The following FMN2 variants were observed in gnomAD, a reference collection of about 807,000 sequenced individuals.
FMN2 encodes the protein formin 2, also known as formin-2.
Under a neutral mutation model 142.3 loss-of-function variants are expected in FMN2, and 51 were observed. The ratio of observed to expected loss-of-function variants is 0.36; its 90% CI spans 0.29 to 0.45. The LOEUF (loss-of-function observed/expected upper bound fraction) is 0.45. FMN2 is among the 20% of genes least tolerant of loss of function. The pLI, the probability that FMN2 is intolerant of heterozygous loss-of-function variation, is 1.00. For missense variants in FMN2, 1,936 were observed against 2,122.8 expected (o/e 0.91, Z 1.73); for synonymous variants, 882 against 869.8 (o/e 1.01, Z -0.25).
intron 15 of FMN2, chr1:240,401,116 C>T (rs1673971208): frequency 9.5e-6 from 1 of 105,554 alleles, no homozygotes; most frequent in East Asian, 3.2e-4. Context: ...CAGAGTGACA[C>T]CCCATCTAAA....
rs982353672 is a variant in FMN2, at chr1:240,333,915, T to C, written c.4613T>C (p.Ile1538Thr). ...SDNSRSLLSY[I>T]VSYYLRNFDE... is the part of the protein sequence containing the mutation. Reference sequence around the variant, plus strand: ...AATAGCAGAAGCCTTTTGTCATATATTGTTTCGTATTATCTCCGAAATTTT... The same window carrying C: ...AATAGCAGAAGCCTTTTGTCATATACTGTTTCGTATTATCTCCGAAATTTT... Residue 1538 changes from isoleucine (I) to threonine (T), a missense_variant, in exon 12 of 18, where the codon ATT becomes ACT. By Grantham distance (89) the Ile-to-Thr change is moderately conservative (BLOSUM62 -1). Coordinates refer to ENST00000319653, the MANE Select transcript of FMN2 (RefSeq NM_020066.5). 1 of 1,610,670 alleles carries C rather than the reference T, an allele frequency of 6.2e-7. No individual in the cohort carries two copies. The highest frequency in any genetic ancestry group is 8.5e-7 in the Non-Finnish European group (1 of 1,178,640).
chr1:240,241,799 C>A (rs1274837550), intron 6 of FMN2, among the ~76,000 whole-genome samples: 1 of 119,948 alleles, frequency 8.3e-6, no homozygotes, highest in African/African-American at 3.1e-5. Context: ...AGGTAGGTAT[C>A]ATTTTCTTTA....
intron 2 of FMN2, among the ~76,000 whole-genome samples, chr1:240,155,959 A>C (rs1328359342): frequency 6.6e-6 from 1 of 151,064 alleles, no homozygotes; most frequent in Non-Finnish European, 1.5e-5. Flanking sequence ...CCGTAAAGGG[A>C]CAGACGTGGT....
intron 3 of FMN2, among the ~76,000 whole-genome samples, chr1:240,185,114 ACCTTCCCCCTTCTCTTTCTCCCTCCT>A (rs1665367908): frequency 1.0e-5 from 1 of 100,338 alleles, no homozygotes; most frequent in African/African-American, 4.4e-5. Context: ...TCCCTCCTAT[ACCTTCCCCCTTCTCTTTCTCCCTCCT>A]ATACCTTCCC....
intron 1 of FMN2, among the ~76,000 whole-genome samples, chr1:240,097,364 T>G (rs1447789464): frequency 1.3e-5 from 2 of 151,324 alleles, no homozygotes; most frequent in African/African-American, 4.8e-5. Flanking sequence ...TGCCTTTTTT[T>G]TTTTTTTTTG....
intron 7 of FMN2, chr1:240,285,342 CAGA>C: frequency 2.2e-6 from 1 of 454,166 alleles, no homozygotes. Flanking sequence ...TCATGTAAGA[CAGA>C]AGAACATGTA....
At chr1:240,115,909 T>A (rs530262140) in intron 1 of FMN2, among the ~76,000 whole-genome samples, 1 of 152,138 alleles carries the variant, frequency 6.6e-6, no homozygotes, top group South Asian at 2.1e-4. Context: ...GGATTACTCG[T>A]GAGTTTTTTT....
chr1:240,416,262 CTTTT>C (rs11417639), intron 15 of FMN2, among the ~76,000 whole-genome samples: 1 of 135,142 alleles, frequency 7.4e-6, no homozygotes. Context: ...CCTTTCCACT[CTTTT>C]TTTTTTTTTT....
chr1:240,138,001 G>A (rs1404899137), intron 2 of FMN2, among the ~76,000 whole-genome samples: 1 of 148,746 alleles, frequency 6.7e-6, no homozygotes, highest in East Asian at 2.0e-4. Flanking sequence ...GGAGGCAGAG[G>A]TTGCAGTGAG....
At chr1:240,284,711 C>T (rs1256666634) in intron 7 of FMN2, among the ~76,000 whole-genome samples, 1 of 152,134 alleles carries the variant, frequency 6.6e-6, no homozygotes, top group Admixed American at 6.6e-5. Context: ...TGTCTTCTAG[C>T]TTCAGAGTCC....
Position 240,207,612 on chromosome 1 carries a change from CTGCCCCCTCT to C in FMN2, c.2801_2810del (p.Leu934HisfsTer338), listed in dbSNP as rs1666433862. On this transcript the variant is annotated frameshift_variant, in exon 5 of 18. Transcript: ENST00000319653. LOFTEE classifies it high-confidence loss of function. ...TCTACCCGGAGCAGGCATACTCCCTCTGCCCCCTCTACCCGGAGCGGGAATACCTCCTCCG... is the reference window on the plus strand; with the variant it reads ...TCTACCCGGAGCAGGCATACTCCCTCACCCGGAGCGGGAATACCTCCTCCG... The C allele has an allele frequency of 6.3e-7, 1 of 1,579,838 alleles. No homozygotes were observed. The highest frequency in any genetic ancestry group is 1.4e-5 in the African/African-American group (1 of 71,816).
intron 1 of FMN2, among the ~76,000 whole-genome samples, chr1:240,097,572 G>T (rs1661250661): frequency 6.6e-6 from 1 of 152,060 alleles, no homozygotes; most frequent in Admixed American, 6.6e-5. Flanking sequence ...AGCCAGGATG[G>T]TCTTGATCTC....
chr1:240,421,737 G>C (rs1318117562), intron 15 of FMN2, among the ~76,000 whole-genome samples: 1 of 152,028 alleles, frequency 6.6e-6, no homozygotes. Context: ...TAAACCACAA[G>C]CAGGTACAAC....
intron 14 of FMN2, among the ~76,000 whole-genome samples, chr1:240,358,301 G>A (rs1005420291): frequency 2.0e-5 from 3 of 152,036 alleles, no homozygotes; most frequent in African/African-American, 4.8e-5. Context: ...ATAAACAACA[G>A]AAAATTTTTT....
chr1:240,430,901 T>C (rs1675147611), intron 15 of FMN2, among the ~76,000 whole-genome samples: 1 of 150,222 alleles, frequency 6.7e-6, no homozygotes, highest in African/African-American at 2.5e-5. Flanking sequence ...ATGTTCTTTT[T>C]TTTAAAAATG....
intron 6 of FMN2, among the ~76,000 whole-genome samples, chr1:240,250,729 G>T (rs1009183762): frequency 2.0e-5 from 3 of 151,806 alleles, no homozygotes; most frequent in Admixed American, 1.3e-4. Flanking sequence ...ACTTTTCTTT[G>T]TTGGGAGACT....
At chr1:240,145,530 ATTTTTTTTT>A (rs71168902) in intron 2 of FMN2, 79 of 84,508 alleles carry the variant, frequency 9.3e-4, no homozygotes, top group Admixed American at 1.2e-3. Context: ...TTCTTTTTCT[ATTTTTTTTT>A]TTTTTTTTTT....
At chr1:240,422,940 C>G (rs1306296178) in intron 15 of FMN2, among the ~76,000 whole-genome samples, 1 of 152,132 alleles carries the variant, frequency 6.6e-6, no homozygotes, top group African/African-American at 2.4e-5. Flanking sequence ...TGAACTAATA[C>G]TTGTTCTTGG....
intron 16 of FMN2, among the ~76,000 whole-genome samples, chr1:240,470,866 TCTTA>T (rs1393062303): frequency 4.6e-5 from 7 of 152,162 alleles, no homozygotes; most frequent in Admixed American, 1.3e-4. Flanking sequence ...TTTACAGATT[TCTTA>T]CTATTTGTTT....
Sources: allele counts gnomAD v4.1 joint callset (sites outside exome capture counted in the v4.1 genomes callset), GRCh38; gene constraint gnomAD v4.1.1; transcripts MANE v1.5; gene names NCBI Gene and HGNC (gene_info 2026-07-23, HGNC 2026-07-21).